Variants in ASAP2 observed in about 807,000 individuals in gnomAD.
ASAP2 encodes the protein ArfGAP with SH3 domain, ankyrin repeat and PH domain 2, also known as arf-GAP with SH3 domain, ANK repeat and PH domain-containing protein 2.
In ASAP2, 45 loss-of-function variants were observed where a neutral mutation model predicts 131.4. The ratio of observed to expected loss-of-function variants is 0.34; its 90% confidence interval spans 0.27 to 0.44. The LOEUF (loss-of-function observed/expected upper bound fraction) is 0.44, where lower values mean the gene tolerates loss of function less well. Ranked by LOEUF, ASAP2 falls within the 20% of genes least tolerant of loss-of-function variation. ASAP2 has a pLI of 1.00. For missense variants in ASAP2, 1,011 were observed against 1,297.0 expected (o/e 0.78, Z 3.39); for synonymous variants, 510 against 503.0 (o/e 1.01, Z -0.19).
At chr2:9,360,686 A>G (rs1373247275) in intron 15 of ASAP2, among the ~76,000 whole-genome samples, 1 of 152,256 alleles carries the variant, frequency 6.6e-6, no homozygotes, top group Non-Finnish European at 1.5e-5. Flanking sequence ...TATATAGTAC[A>G]TTCACTATGC....
At chr2:9,308,405 G>A (rs1343596399) in intron 3 of ASAP2, among the ~76,000 whole-genome samples, 1 of 152,220 alleles carries the variant, frequency 6.6e-6, no homozygotes, top group East Asian at 1.9e-4. Flanking sequence ...CCGTGATTGA[G>A]TCATCTCCCA....
At chr2:9,322,681 G>A (rs920549846) in intron 5 of ASAP2, among the ~76,000 whole-genome samples, 11 of 152,176 alleles carry the variant, frequency 7.2e-5, no homozygotes, top group Non-Finnish European at 1.3e-4. Context: ...AGTGATGAGC[G>A]GTGTTGTAGG....
chr2:9,238,152 T>C (rs1663684504), intron 1 of ASAP2, among the ~76,000 whole-genome samples: 2 of 152,348 alleles, frequency 1.3e-5, no homozygotes, highest in Admixed American at 1.3e-4. Flanking sequence ...CCTACTGATC[T>C]TCACACGGAT....
chr2:9,207,074 G>A lies in ASAP2; in HGVS notation c.-31G>A. 2.0e-6 allele frequency: 3 copies of A among 1,518,704 alleles called. No homozygotes were observed. The highest frequency in any genetic ancestry group is 2.4e-5 in the South Asian group (2 of 83,116). 94.1% of individuals were successfully genotyped at this position (1,518,704 alleles called of 1,614,324 possible). Reference sequence around the variant, plus strand: ...GCAGTTGAGGCGGCGGCGCCCCTGCGGCTGTGCGCCAGCGCCCTCGCGCCG... The same window carrying A: ...GCAGTTGAGGCGGCGGCGCCCCTGCAGCTGTGCGCCAGCGCCCTCGCGCCG... On this transcript the variant is annotated 5_prime_UTR_variant, in exon 1 of 28. Coordinates refer to ENST00000281419, the MANE Select transcript of ASAP2 (RefSeq NM_003887.3). This position sits in a 1 kb window ranked among gnomAD's most constrained non-coding sequence, Gnocchi z 4.1.
intron 15 of ASAP2, among the ~76,000 whole-genome samples, chr2:9,362,970 C>G (rs1673206905): frequency 6.6e-6 from 1 of 152,158 alleles, no homozygotes; most frequent in African/African-American, 2.4e-5. Context: ...CACCCCCAAC[C>G]CCTGGTAACC....
At chr2:9,298,713 C>A (rs955744926) in intron 3 of ASAP2, among the ~76,000 whole-genome samples, 2 of 152,064 alleles carry the variant, frequency 1.3e-5, no homozygotes, top group African/African-American at 2.4e-5. Flanking sequence ...GGTAAAGATC[C>A]GTAGATGCTG....
At chr2:9,384,688 G>A (rs1364513599) in intron 20 of ASAP2, among the ~76,000 whole-genome samples, 1 of 152,274 alleles carries the variant, frequency 6.6e-6, no homozygotes, top group Non-Finnish European at 1.5e-5. Flanking sequence ...AGGGCAAGGT[G>A]TGGGGGAGGG....
At chr2:9,357,996 T>A (rs1672825417) in intron 14 of ASAP2, among the ~76,000 whole-genome samples, 2 of 152,204 alleles carry the variant, frequency 1.3e-5, no homozygotes, top group South Asian at 4.1e-4. Flanking sequence ...ATTTTGTGGG[T>A]CCCTATCATC....
At chr2:9,334,526 G>A (rs1204903494) in intron 7 of ASAP2, among the ~76,000 whole-genome samples, 1 of 152,096 alleles carries the variant, frequency 6.6e-6, no homozygotes, top group African/African-American at 2.4e-5. Flanking sequence ...AAATACTTAA[G>A]CTTATTGCAT....
At chr2:9,395,594 C>CTTTTTTTCTTTT (rs1676063940) in intron 24 of ASAP2, among the ~76,000 whole-genome samples, 1 of 59,048 alleles carries the variant, frequency 1.7e-5, no homozygotes, top group Non-Finnish European at 3.6e-5. Context: ...TGTTTTTTTT[C>CTTTTTTTCTTTT]TTTTTTTTTT....
chr2:9,254,098 C>CAGGAGGCTGAGGCAGGAGAATTGCTTGA (rs1664920562), intron 1 of ASAP2, among the ~76,000 whole-genome samples: 1 of 146,036 alleles, frequency 6.8e-6, no homozygotes, highest in South Asian at 2.2e-4. Flanking sequence ...CCCAGTTACT[C>CAGGAGGCTGAGGCAGGAGAATTGCTTGA]AGGAGGCTGA....
chr2:9,370,301 G>A (rs1673847744), intron 16 of ASAP2, among the ~76,000 whole-genome samples: 1 of 152,190 alleles, frequency 6.6e-6, no homozygotes, highest in South Asian at 2.1e-4. Flanking sequence ...TCAGGTATCA[G>A]GTATCTCAGG....
At position 9,339,622 on chromosome 2, in the gene ASAP2, G is replaced by A. The variant is rs926805332; in HGVS notation, c.849+4443G>A. On this transcript the variant is annotated intron_variant, in intron 9 of 27. Coordinates refer to ENST00000281419, the MANE Select transcript of ASAP2 (RefSeq NM_003887.3). ...CCAAATTCCCTTCCCTCATGGTGTC[G>A]CGCTCTTAGAGGTTCAACAGGAATG... Among the ~76,000 whole-genome samples the A allele has an allele frequency of 1.7e-4, 26 of 152,100 alleles. 1 individual carries two copies. The highest frequency in any genetic ancestry group is 4.3e-4 in the African/African-American group (18 of 41,480).
chr2:9,399,842 C>T (rs1676474665), intron 24 of ASAP2, 181 bp from the exon 25 acceptor site: 1 of 631,972 alleles, frequency 1.6e-6, no homozygotes, highest in Non-Finnish European at 2.7e-6. Context: ...TTGAATTTAG[C>T]ACTTTCCTCA....
At chr2:9,225,299 C>T (rs937648154) in intron 1 of ASAP2, among the ~76,000 whole-genome samples, 1 of 152,176 alleles carries the variant, frequency 6.6e-6, no homozygotes, top group African/African-American at 2.4e-5. Flanking sequence ...GTCCCAGAGT[C>T]TGTCTCAGCT....
At chr2:9,228,470 A>G (rs569692505) in intron 1 of ASAP2, among the ~76,000 whole-genome samples, 1 of 151,962 alleles carries the variant, frequency 6.6e-6, no homozygotes, top group African/African-American at 2.4e-5. Context: ...ATGTTTTGGT[A>G]TTTGGTCTTT....
intron 15 of ASAP2, 65 bp downstream of exon 15, chr2:9,358,954 G>A: frequency 6.5e-7 from 1 of 1,541,592 alleles, no homozygotes. Flanking sequence ...TTTACTTTTG[G>A]CATTCTAATC....
intron 18 of ASAP2, among the ~76,000 whole-genome samples, chr2:9,377,877 G>A (rs1332401179): frequency 5.9e-5 from 9 of 152,156 alleles, no homozygotes; most frequent in Admixed American, 2.0e-4. Context: ...CACTGGACTC[G>A]TGGTGGAAGC....
intron 16 of ASAP2, among the ~76,000 whole-genome samples, chr2:9,372,973 A>G (rs190203978): frequency 6.6e-6 from 1 of 152,166 alleles, no homozygotes; most frequent in Non-Finnish European, 1.5e-5. Flanking sequence ...ATTATAACAA[A>G]ATGCTGTTAT....
Sources: allele counts gnomAD v4.1 joint callset (sites outside exome capture counted in the v4.1 genomes callset), GRCh38; gene constraint gnomAD v4.1.1; non-coding constraint Gnocchi (gnomAD v3.1); transcripts MANE v1.5; gene names NCBI Gene and HGNC (gene_info 2026-07-23, HGNC 2026-07-21).